The following CEP70 variants were observed in gnomAD, a reference collection of about 807,000 sequenced individuals.
CEP70 encodes centrosomal protein of 70 kDa.
CEP70 carries 70 observed loss-of-function variants against 90.9 expected under a neutral mutation model. The ratio of observed to expected loss-of-function variants is 0.77; its 90% CI spans 0.64 to 0.94. The LOEUF (loss-of-function observed/expected upper bound fraction) is 0.94, where lower values mean the gene tolerates loss of function less well. Among genes scored for constraint, CEP70 ranks in the 40% least tolerant of loss-of-function variants. The pLI, the probability that CEP70 is intolerant of heterozygous loss-of-function variation, is 0.00. For synonymous variants in CEP70, 220 were observed against 228.3 expected, an observed-to-expected ratio of 0.96 and a Z score of 0.33; for missense variants, 648 against 669.0, an observed-to-expected ratio of 0.97 and a Z score of 0.35.
intron 11 of CEP70, among the ~76,000 whole-genome samples, chr3:138,524,213 C>T (rs1272146152): frequency 6.6e-6 from 1 of 151,584 alleles, no homozygotes; most frequent in Admixed American, 6.6e-5. Context: ...ACACCTTATA[C>T]AAAAATTAAT....
intron 2 of CEP70, among the ~76,000 whole-genome samples, chr3:138,585,976 T>C (rs2042086636): frequency 6.6e-6 from 1 of 152,232 alleles, no homozygotes; most frequent in East Asian, 1.9e-4. Flanking sequence ...TGGGCAAAGA[T>C]TTCTTGAGTA....
intron 6 of CEP70, among the ~76,000 whole-genome samples, chr3:138,562,084 C>A (rs1195245190): frequency 1.3e-5 from 2 of 148,218 alleles, no homozygotes; most frequent in East Asian, 4.0e-4. Context: ...CCGAACTGAT[C>A]AAGCAGAAGA....
intron 6 of CEP70, among the ~76,000 whole-genome samples, chr3:138,564,865 A>G (rs1222073531): frequency 6.6e-6 from 1 of 151,572 alleles, no homozygotes. Context: ...GGCAAGAGAA[A>G]GAAATAAAGG....
chr3:138,555,948 A>G (rs1560402098), intron 6 of CEP70, among the ~76,000 whole-genome samples: 2 of 152,244 alleles, frequency 1.3e-5, no homozygotes, highest in African/African-American at 4.8e-5. Flanking sequence ...CATTACACAA[A>G]TGTACAATTC....
chr3:138,593,274 G>A (rs2108303659), intron 1 of CEP70, among the ~76,000 whole-genome samples: 1 of 152,328 alleles, frequency 6.6e-6, no homozygotes, highest in African/African-American at 2.4e-5. Context: ...CCAGGCTGGA[G>A]TGCAGTGGCG....
At chr3:138,524,574 C>A (rs1233945215) in intron 11 of CEP70, among the ~76,000 whole-genome samples, 2 of 152,022 alleles carry the variant, frequency 1.3e-5, no homozygotes, top group African/African-American at 2.4e-5. Context: ...AAGAAAAAAA[C>A]CAAACAACCC....
At chr3:138,563,164 A>G (rs1418697727) in intron 6 of CEP70, among the ~76,000 whole-genome samples, 2 of 152,178 alleles carry the variant, frequency 1.3e-5, no homozygotes, top group African/African-American at 4.8e-5. Context: ...CTAAATATAT[A>G]TGCACCCAAT....
At chr3:138,541,647 C>G (rs546023586) in intron 6 of CEP70, among the ~76,000 whole-genome samples, 1 of 152,306 alleles carries the variant, frequency 6.6e-6, no homozygotes, top group Admixed American at 6.5e-5. Flanking sequence ...AATATACAGA[C>G]AAACGCAGAA....
chr3:138,558,715 T>C (rs956591404), intron 6 of CEP70, among the ~76,000 whole-genome samples: 9 of 152,200 alleles, frequency 5.9e-5, no homozygotes, highest in South Asian at 2.1e-4. Flanking sequence ...GAAGCAATCA[T>C]GATTACCTCT....
At chr3:138,508,695 G>A (rs143332542) in intron 11 of CEP70, 151 bp from the exon 12 acceptor site, 6 of 588,634 alleles carry the variant, frequency 1.0e-5, no homozygotes, top group African/African-American at 9.4e-5. Context: ...GTATGTGTAT[G>A]TATAAACACA....
chr3:138,527,730 T>C (rs1239877340), intron 10 of CEP70, among the ~76,000 whole-genome samples: 2 of 151,184 alleles, frequency 1.3e-5, no homozygotes, highest in Non-Finnish European at 2.9e-5. Context: ...TGGGCTAAAA[T>C]TATTTGTAGA....
At chr3:138,519,992 A>G (rs1460839944) in intron 11 of CEP70, among the ~76,000 whole-genome samples, 1 of 152,236 alleles carries the variant, frequency 6.6e-6, no homozygotes. Flanking sequence ...AGGAAGATCT[A>G]CTAAGCAAAT....
At position 138,502,939 on chromosome 3, in the gene CEP70, C is replaced by T. The variant is rs562019514; in HGVS notation, c.1222-2058G>A. Among the ~76,000 whole-genome samples the T allele has an allele frequency of 8.5e-5, 13 of 152,230 alleles. No individual in the cohort carries two copies. The South Asian group carries it at 2.7e-3, about 32-fold the overall frequency. The stretch of plus-strand genomic sequence containing the variant: ...GCTACAACATCTGTAGTTCACCTTT[C>T]TTGGAAAGGCAGGAGGGAAAAGACA... On this transcript the variant is annotated intron_variant, in intron 13 of 17. Transcript: ENST00000264982.
Position 138,529,382 on chromosome 3 carries a change from A to G in CEP70, c.773T>C (p.Leu258Pro). The change falls in exon 9 of 18, where the codon CTT (leucine) becomes CCT (proline). Residue 258 changes from leucine (L) to proline (P), a missense_variant. Physicochemically the swap from Leu to Pro is moderately conservative, Grantham distance 98. Coordinates refer to ENST00000264982, the MANE Select transcript of CEP70 (RefSeq NM_024491.4). ...NLDASPTYKG[L>P]LMSLQNQLKE... The stretch of plus-strand genomic sequence containing the variant: ...GTTATGCAGTCCCCATACCATTAAA[A>G]GGCCTTTATAAGTTGGTGAGGCATC... The G allele has an allele frequency of 2.5e-6, 4 of 1,604,358 alleles. No homozygotes were observed. Among genetic ancestry groups the G allele is most frequent in the Non-Finnish European group, 3.4e-6 (4 of 1,174,434 alleles).
chr3:138,523,746 C>T (rs11988921), intron 11 of CEP70, among the ~76,000 whole-genome samples: 16 of 152,240 alleles, frequency 1.1e-4, no homozygotes, highest in Non-Finnish European at 2.1e-4. Flanking sequence ...AATGGAAGAA[C>T]GTTCCATGCT....
At chr3:138,535,795 CTCT>C (rs141190202) in intron 7 of CEP70, among the ~76,000 whole-genome samples, 6,228 of 152,100 alleles carry the variant, frequency 0.041, 159 homozygotes, top group Non-Finnish European at 0.062. Flanking sequence ...TCCAATTTCT[CTCT>C]TCTTCTTCCC....
intron 8 of CEP70, among the ~76,000 whole-genome samples, chr3:138,529,793 G>T (rs1019686203): frequency 1.3e-5 from 2 of 152,120 alleles, no homozygotes; most frequent in Non-Finnish European, 2.9e-5. Context: ...CGAAACATAG[G>T]TGGAACATCC....
At chr3:138,500,070 C>A (rs750153960) in intron 16 of CEP70, 40 bp downstream of exon 16, 3 of 1,368,416 alleles carry the variant, frequency 2.2e-6, no homozygotes, top group East Asian at 2.3e-5. Flanking sequence ...CCACACCCAG[C>A]CATTCTGGAT....
intron 15 of CEP70, 33 bp from the exon 16 acceptor site, chr3:138,500,257 G>C (rs756014663): frequency 1.3e-6 from 2 of 1,565,760 alleles, no homozygotes; most frequent in African/African-American, 2.7e-5. Context: ...TATTTTAACA[G>C]AGAATTTCCA....
Sources: gnomAD v4.1 joint callset for allele counts (sites outside exome capture counted in the v4.1 genomes callset) on GRCh38, gnomAD v4.1.1 for gene constraint, MANE v1.5 for transcripts, NCBI Gene and HGNC (gene_info 2026-07-23, HGNC 2026-07-21) for gene names.